Variants in SERP1 observed in about 807,000 individuals in gnomAD.
SERP1 encodes stress-associated endoplasmic reticulum protein 1.
SERP1 carries 6 observed loss-of-function variants against 8.8 expected under a neutral mutation model. The observed-to-expected ratio is 0.68, with a 90% CI of 0.37 to 1.35. SERP1 has a LOEUF of 1.35. Ranked by LOEUF, SERP1 falls within the 40% of genes most tolerant of loss-of-function variation. The pLI, the probability that SERP1 is intolerant of heterozygous loss-of-function variation, is 0.02. For synonymous variants in SERP1, 36 were observed against 28.7 expected, an observed-to-expected ratio of 1.25 and a Z score of -0.81; for missense variants, 52 against 86.2, an observed-to-expected ratio of 0.60 and a Z score of 1.57.
rs1321394159 is a variant in SERP1, at chr3:150,542,916, C to T, written c.*1542G>A. ...AGACTGATTAACTGGGTGAGAAAGG[C>T]AAGTAACAATTTAGTTAAAAACCTG... On this transcript the variant is annotated 3_prime_UTR_variant, in exon 3 of 3. Coordinates refer to ENST00000239944, the MANE Select transcript of SERP1 (RefSeq NM_014445.4). The T allele has an allele frequency of 6.6e-6, 1 of 152,544 alleles. No homozygotes were observed. Among genetic ancestry groups the T allele is most frequent in the African/African-American group, 2.4e-5 (1 of 41,438 alleles). The allele number at this position is 152,544 out of a possible 1,614,324, so 9.4% of individuals were successfully genotyped here.
At chr3:150,545,597 T>C (rs767392152) in intron 2 of SERP1, 106 bp downstream of exon 2, 8 of 1,032,394 alleles carry the variant, frequency 7.7e-6, no homozygotes, top group Non-Finnish European at 1.2e-5. Flanking sequence ...CCTCGGCAGG[T>C]GGGTTGAGAA....
In SERP1 at chr3:150,546,424, G is replaced by A. The variant is rs1723026196; in HGVS notation, c.-289C>T. On this transcript the variant is annotated 5_prime_UTR_variant, in exon 1 of 3. Transcript: ENST00000239944. The stretch of plus-strand genomic sequence containing the variant: ...CGCCGTCGCCGCCGCTTTGGCCGCC[G>A]CCGTGAGCGCGGAGTGAAAGAGGAA... The A allele has an allele frequency of 1.8e-6, 1 of 551,518 alleles. No homozygotes were observed. The highest frequency in any genetic ancestry group is 3.2e-6 in the Non-Finnish European group (1 of 315,258). 34.2% of individuals were successfully genotyped at this position (551,518 alleles called of 1,614,324 possible).
At chr3:150,545,399 C>G (rs750458563) in intron 2 of SERP1, 1 of 437,982 alleles carries the variant, frequency 2.3e-6, no homozygotes, top group East Asian at 3.4e-5. Context: ...ACAAAACATT[C>G]TAAATTCTCA....
rs1211368257 is a variant in SERP1 at position 150,544,399 on chromosome 3, C to A, written c.*59G>T. The A allele has an allele frequency of 3.4e-6, 5 of 1,453,906 alleles. No individual in the cohort carries two copies. Among genetic ancestry groups the A allele is most frequent in the Non-Finnish European group, 4.8e-6 (5 of 1,035,220 alleles). The allele number at this position is 1,453,906 out of a possible 1,614,324, so 90.1% of individuals were successfully genotyped here. On this transcript the variant is annotated 3_prime_UTR_variant, in exon 3 of 3. Transcript: ENST00000239944. ...TGTTTTCAACCAGGGTATCAAACAT[C>A]AGGAATGAGTTCAAGTTAAAATTCA...
Position 150,546,112 on chromosome 3 carries a change from A to G in SERP1, c.24T>C (p.Arg8=). 6.2e-7 allele frequency: 1 copy of G among 1,613,512 alleles called. No individual in the cohort carries two copies. Among genetic ancestry groups the G allele is most frequent in the Non-Finnish European group, 8.5e-7 (1 of 1,179,812 alleles). The change falls in exon 1 of 3, where the codon CGT becomes CGC. Residue 8 remains arginine, a synonymous_variant. Coordinates refer to ENST00000239944, the MANE Select transcript of SERP1 (RefSeq NM_014445.4). ...TCTTGCTGTGCTTCTCGTTGGCCAT[A>G]CGGATCCTTTGCTTGGCGACCATCT... MVAKQRI[R]MANEKHSKNI...
Position 150,544,214 on chromosome 3 carries a change from T to A in SERP1, c.*244A>T, listed in dbSNP as rs966775137. 4 of 503,258 alleles carry A rather than the reference T, an allele frequency of 7.9e-6. No individual in the cohort carries two copies. In the Admixed American group the frequency reaches 1.5e-4, roughly 19 times the overall value. The allele number at this position is 503,258 out of a possible 1,614,324, so 31.2% of individuals were successfully genotyped here. On this transcript the variant is annotated 3_prime_UTR_variant, in exon 3 of 3. Transcript: ENST00000239944. ...TGACTGAATAAGTAGGGTCCACTAC[T>A]GTATCTTAACAATCAAATTTTATTG...
At chr3:150,545,936 C>G in intron 1 of SERP1, 116 bp downstream of exon 1, 1 of 1,430,584 alleles carries the variant, frequency 7.0e-7, no homozygotes, top group Non-Finnish European at 9.6e-7. Flanking sequence ...GGGCCCCTAC[C>G]CCTCCACGGC....
intron 2 of SERP1, 52 bp from the exon 3 acceptor site, chr3:150,544,550 G>C: frequency 7.1e-7 from 1 of 1,405,312 alleles, no homozygotes; most frequent in Non-Finnish European, 1.0e-6. Flanking sequence ...AAATAGGTCT[G>C]GTGTCTAACA....
chr3:150,544,726 G>A (rs1533817), intron 2 of SERP1, among the ~76,000 whole-genome samples: 50,330 of 152,038 alleles, frequency 0.33, 8,536 homozygotes, highest in East Asian at 0.4. Flanking sequence ...TTATGTCTAA[G>A]TATCCAAGAG....
At chr3:150,545,936 C>T in intron 1 of SERP1, 116 bp downstream of exon 1, 1 of 1,430,584 alleles carries the variant, frequency 7.0e-7, no homozygotes, top group Non-Finnish European at 9.6e-7. Flanking sequence ...GGGCCCCTAC[C>T]CCTCCACGGC....
chr3:150,544,508 GA>G lies in SERP1; in HGVS notation c.161-11del, dbSNP rs1348421766. 6.2e-7 allele frequency: 1 copy of G among 1,606,176 alleles called. No homozygotes were observed. The highest frequency in any genetic ancestry group is 8.5e-7 in the Non-Finnish European group (1 of 1,173,506). Reference sequence around the variant, plus strand: ...ATAATCTGGAAAATTGCTGTAAAAAGAAAGAGCAAATATTAAAATAAGCTTT... The same window carrying G: ...ATAATCTGGAAAATTGCTGTAAAAAGAAGAGCAAATATTAAAATAAGCTTT... On this transcript the variant is annotated splice_polypyrimidine_tract_variant and intron_variant, in intron 2 of 2. Transcript: ENST00000239944.
Position 150,546,067 on chromosome 3 carries a change from G to T in SERP1, c.69C>A (p.Asn23Lys). ...KHSKNITQRG[N>K]VAKTSRNAPE... is the part of the protein sequence containing the mutation. Reference sequence around the variant, plus strand: ...CTTTCCTTACCGAGGTCTTGGCGACGTTGCCGCGCTGGGTGATGTTCTTGC... The same window carrying T: ...CTTTCCTTACCGAGGTCTTGGCGACTTTGCCGCGCTGGGTGATGTTCTTGC... The change falls in exon 1 of 3, where the codon AAC becomes AAA. Residue 23 changes from asparagine (N) to lysine (K), a missense_variant. By Grantham distance (94) the Asn-to-Lys change is moderately conservative (BLOSUM62 0). Transcript: ENST00000239944. 6.2e-7 allele frequency: 1 copy of T among 1,613,772 alleles called. No homozygotes were observed. Among genetic ancestry groups the T allele is most frequent in the Non-Finnish European group, 8.5e-7 (1 of 1,179,902 alleles).
Position 150,546,388 on chromosome 3 carries a change from C to A in SERP1, c.-253G>T, listed in dbSNP as rs1475915343. The A allele has an allele frequency of 3.6e-6, 2 of 562,454 alleles. No homozygotes were observed. The highest frequency in any genetic ancestry group is 2.3e-5 in the South Asian group (1 of 44,364). 34.8% of individuals were successfully genotyped at this position (562,454 alleles called of 1,614,324 possible). On this transcript the variant is annotated 5_prime_UTR_variant, in exon 1 of 3. Coordinates refer to ENST00000239944, the MANE Select transcript of SERP1 (RefSeq NM_014445.4). ...GGAGGAAGAGAACTGGCCGCCGGGT[C>A]GTTCTCGCGCCGCCGTCGCCGCCGC...
chr3:150,545,851 C>T, intron 1 of SERP1, 73 bp from the exon 2 acceptor site: 1 of 1,473,478 alleles, frequency 6.8e-7, no homozygotes. Context: ...GCCTGCACGC[C>T]GGTCGCCGGC....
intron 1 of SERP1, 61 bp from the exon 2 acceptor site, chr3:150,545,839 A>G: frequency 6.6e-7 from 1 of 1,504,844 alleles, no homozygotes; most frequent in Admixed American, 2.0e-5. Flanking sequence ...CCAGGCTCCC[A>G]CGCCTGCACG....
In SERP1 at chr3:150,545,685, A is replaced by T; in HGVS notation, c.160+18T>A. ...TCAACCCAAGACTCTACCTGATGGG[A>T]GCCCCCAAGCCACTTACCAGAACCA... On this transcript the variant is annotated intron_variant, in intron 2 of 2. Transcript: ENST00000239944. 2 of 1,596,132 alleles carry T rather than the reference A, an allele frequency of 1.3e-6. No homozygotes were observed. Among genetic ancestry groups the T allele is most frequent in the Non-Finnish European group, 1.7e-6 (2 of 1,169,690 alleles).
chr3:150,546,041 T>C lies in SERP1; in HGVS notation c.84+11A>G. 1.9e-6 allele frequency: 3 copies of C among 1,613,450 alleles called. No individual in the cohort carries two copies. The highest frequency in any genetic ancestry group is 2.5e-6 in the Non-Finnish European group (3 of 1,179,832). ...CTGCGGAACGCAGAGGGGCGCCCGC[T>C]CTTTCCTTACCGAGGTCTTGGCGAC... On this transcript the variant is annotated intron_variant, in intron 1 of 2. Transcript: ENST00000239944.
chr3:150,545,666 C>G (rs370194424), intron 2 of SERP1, 37 bp downstream of exon 2: 32 of 1,576,170 alleles, frequency 2.0e-5, no homozygotes, highest in Non-Finnish European at 2.8e-5. Context: ...CCTTTCAACC[C>G]AAGACTCTAC....
At chr3:150,545,492 G>C (rs1258789111) in intron 2 of SERP1, 5 of 568,990 alleles carry the variant, frequency 8.8e-6, no homozygotes, top group Non-Finnish European at 1.6e-5. Flanking sequence ...TCTCCTGTGA[G>C]TACAAATTAA....
Sources: gnomAD v4.1 joint callset for allele counts (sites outside exome capture counted in the v4.1 genomes callset) on GRCh38, gnomAD v4.1.1 for gene constraint, MANE v1.5 for transcripts, NCBI Gene and HGNC (gene_info 2026-07-23, HGNC 2026-07-21) for gene names.